Variants in DCBLD2 observed in about 807,000 individuals in gnomAD.
DCBLD2 encodes the protein discoidin, CUB and LCCL domain-containing protein 2.
DCBLD2 carries 54 observed loss-of-function variants against 86.8 expected under a neutral mutation model. The observed-to-expected ratio is 0.62, with a 90% CI of 0.50 to 0.78. The LOEUF (loss-of-function observed/expected upper bound fraction) is 0.78, where lower values mean the gene tolerates loss of function less well. Ranked by LOEUF, DCBLD2 falls within the 30% of genes least tolerant of loss-of-function variation. The pLI, the probability that DCBLD2 is intolerant of heterozygous loss-of-function variation, is 0.00. For missense variants in DCBLD2, 908 were observed against 954.2 expected (o/e 0.95, Z 0.64); for synonymous variants, 354 against 341.3 (o/e 1.04, Z -0.41).
intron 13 of DCBLD2, among the ~76,000 whole-genome samples, chr3:98,802,252 C>G (rs1189916445): frequency 2.0e-5 from 3 of 152,186 alleles, no homozygotes; most frequent in Non-Finnish European, 4.4e-5. Flanking sequence ...ACCATTCTAA[C>G]TGGTGTGAGA....
chr3:98,820,027 T>A (rs1942090995), intron 7 of DCBLD2, among the ~76,000 whole-genome samples: 1 of 152,226 alleles, frequency 6.6e-6, no homozygotes, highest in African/African-American at 2.4e-5. Flanking sequence ...TCAAAAGTCA[T>A]CTTTCTTAAG....
intron 2 of DCBLD2, among the ~76,000 whole-genome samples, chr3:98,860,813 C>T (rs992913486): frequency 1.3e-5 from 2 of 152,280 alleles, no homozygotes; most frequent in East Asian, 3.9e-4. Flanking sequence ...GAAACTGCAT[C>T]AACTAACAAG....
Position 98,797,305 on chromosome 3 carries a change from A to C in DCBLD2, c.*2067T>G, listed in dbSNP as rs531230448. 1 of 152,158 alleles carries C rather than the reference A, an allele frequency of 6.6e-6. No homozygotes were observed. Among genetic ancestry groups the C allele is most frequent in the East Asian group, 1.9e-4 (1 of 5,178 alleles). The allele number at this position is 152,158 out of a possible 1,614,324, so 9.4% of individuals were successfully genotyped here. A position where few individuals can be genotyped will look rare whatever the true frequency, so the allele number is the denominator to read the frequency against. ...AAAAAAAAACCCAAAACTAAACAAC[A>C]ACAACAAAAACCTCCAGGAAAAAAC... is the stretch of plus-strand genomic sequence containing the variant. On this transcript the variant is annotated 3_prime_UTR_variant, in exon 16 of 16. Transcript: ENST00000326840.
intron 1 of DCBLD2, among the ~76,000 whole-genome samples, chr3:98,896,714 T>G (rs1487708826): frequency 6.6e-6 from 1 of 152,110 alleles, no homozygotes; most frequent in Admixed American, 6.5e-5. Context: ...TAAAAATAAA[T>G]ACAAAGTCCT....
chr3:98,826,128 A>G (rs1340828248), intron 3 of DCBLD2, among the ~76,000 whole-genome samples: 1 of 152,082 alleles, frequency 6.6e-6, no homozygotes, highest in Admixed American at 6.6e-5. Context: ...TCTAATTAAG[A>G]CCAAGTTCAT....
chr3:98,820,996 A>AG (rs1383981235), intron 6 of DCBLD2: 6 of 151,742 alleles, frequency 4.0e-5, no homozygotes, highest in Non-Finnish European at 7.4e-5. Context: ...AAAAAAAAAA[A>AG]AAGAAGGGAA....
At chr3:98,882,541 A>G (rs568719087) in intron 1 of DCBLD2, among the ~76,000 whole-genome samples, 5 of 152,140 alleles carry the variant, frequency 3.3e-5, no homozygotes, top group Non-Finnish European at 5.9e-5. Flanking sequence ...CATCTACATT[A>G]GGTATTTCTC....
At chr3:98,862,702 G>A (rs890255616) in intron 2 of DCBLD2, among the ~76,000 whole-genome samples, 8 of 152,198 alleles carry the variant, frequency 5.3e-5, no homozygotes, top group East Asian at 1.9e-4. Context: ...AATAAATCAT[G>A]TATTGATGAG....
At chr3:98,889,796 TTTATC>T (rs1943626450) in intron 1 of DCBLD2, among the ~76,000 whole-genome samples, 1 of 152,062 alleles carries the variant, frequency 6.6e-6, no homozygotes, top group Admixed American at 6.6e-5. Context: ...ATTTGGTGTG[TTTATC>T]TTATATTTGC....
chr3:98,870,870 T>G (rs1943270342), intron 2 of DCBLD2, among the ~76,000 whole-genome samples: 1 of 152,052 alleles, frequency 6.6e-6, no homozygotes, highest in African/African-American at 2.4e-5. Flanking sequence ...TAGATTGTTT[T>G]GGGCAGTATG....
chr3:98,804,431 C>T (rs893531982), intron 13 of DCBLD2, among the ~76,000 whole-genome samples: 6 of 151,950 alleles, frequency 3.9e-5, no homozygotes, highest in South Asian at 2.1e-4. Context: ...TTTGATTCTT[C>T]TCTCTTTTCT....
At chr3:98,817,402 C>T (rs1416015336) in intron 9 of DCBLD2, among the ~76,000 whole-genome samples, 3 of 152,074 alleles carry the variant, frequency 2.0e-5, no homozygotes, top group Non-Finnish European at 2.9e-5. Flanking sequence ...TACCTCTTGC[C>T]TACAGAGTAG....
At chr3:98,836,662 T>C (rs1463429250) in intron 3 of DCBLD2, among the ~76,000 whole-genome samples, 1 of 118,938 alleles carries the variant, frequency 8.4e-6, no homozygotes, top group Non-Finnish European at 1.9e-5. Flanking sequence ...CACTTCCCAG[T>C]AGGGGCGGCC....
At chr3:98,832,098 A>T (rs1942334810) in intron 3 of DCBLD2, among the ~76,000 whole-genome samples, 1 of 152,136 alleles carries the variant, frequency 6.6e-6, no homozygotes, top group Non-Finnish European at 1.5e-5. Flanking sequence ...GGTTTCTAAG[A>T]ACTTGCTTTA....
At chr3:98,811,802 T>C (rs1941945059) in intron 10 of DCBLD2, among the ~76,000 whole-genome samples, 1 of 152,042 alleles carries the variant, frequency 6.6e-6, no homozygotes, top group Non-Finnish European at 1.5e-5. Context: ...AATAATGGGG[T>C]GGAAAGTGAT....
At chr3:98,803,067 T>G (rs1941759585) in intron 13 of DCBLD2, among the ~76,000 whole-genome samples, 1 of 152,206 alleles carries the variant, frequency 6.6e-6, no homozygotes, top group African/African-American at 2.4e-5. Flanking sequence ...TTAAAGTAGT[T>G]TTTTCCAATT....
At chr3:98,878,878 A>G (rs1943414834) in intron 2 of DCBLD2, among the ~76,000 whole-genome samples, 1 of 152,212 alleles carries the variant, frequency 6.6e-6, no homozygotes, top group Non-Finnish European at 1.5e-5. Flanking sequence ...CAAACACTGC[A>G]AAGTATTACT....
chr3:98,824,332 G>A (rs1348337075), intron 4 of DCBLD2, among the ~76,000 whole-genome samples: 2 of 152,098 alleles, frequency 1.3e-5, no homozygotes, highest in Admixed American at 6.5e-5. Flanking sequence ...CAGCAGCCCC[G>A]GACAGGGATA....
intron 12 of DCBLD2, among the ~76,000 whole-genome samples, chr3:98,810,266 A>T (rs921425348): frequency 6.6e-6 from 1 of 152,186 alleles, no homozygotes; most frequent in African/African-American, 2.4e-5. Context: ...AGATGCTGAG[A>T]TCTCCTGCCT....
Sources: gnomAD v4.1 joint callset for allele counts (sites outside exome capture counted in the v4.1 genomes callset) on GRCh38, gnomAD v4.1.1 for gene constraint, MANE v1.5 for transcripts, NCBI Gene and HGNC (gene_info 2026-07-23, HGNC 2026-07-21) for gene names.